The following ELMOD1 variants were observed in gnomAD, a reference collection of about 807,000 sequenced individuals.
ELMOD1 encodes ELMO domain-containing protein 1.
ELMOD1 carries 21 observed loss-of-function variants against 46.7 expected under a neutral mutation model. The ratio of observed to expected loss-of-function variants is 0.45; its 90% CI spans 0.32 to 0.65. The LOEUF is 0.65. Among genes scored for constraint, ELMOD1 ranks in the 30% least tolerant of loss-of-function variants. ELMOD1 has a pLI of 0.04. For missense variants in ELMOD1, 348 were observed against 407.8 expected (o/e 0.85, Z 1.26); for synonymous variants, 122 against 138.2 (o/e 0.88, Z 0.82).
intron 1 of ELMOD1, among the ~76,000 whole-genome samples, chr11:107,607,240 C>T (rs1865700803): frequency 1.3e-5 from 2 of 152,150 alleles, no homozygotes; most frequent in African/African-American, 2.4e-5. Flanking sequence ...ACTGTCAGAC[C>T]ATTCAAGAGA....
At chr11:107,614,417 C>G (rs533411344) in intron 1 of ELMOD1, among the ~76,000 whole-genome samples, 16 of 152,316 alleles carry the variant, frequency 1.1e-4, no homozygotes, top group African/African-American at 3.8e-4. Flanking sequence ...TGGCTCACTG[C>G]AACTTCCACC....
At chr11:107,646,680 A>C (rs1000596530) in intron 6 of ELMOD1, among the ~76,000 whole-genome samples, 3 of 152,122 alleles carry the variant, frequency 2.0e-5, no homozygotes, top group Admixed American at 6.6e-5. Flanking sequence ...GGTTGCAGTG[A>C]GCCGAAATCA....
chr11:107,632,579 CA>C (rs1866159055), intron 5 of ELMOD1, among the ~76,000 whole-genome samples: 1 of 152,170 alleles, frequency 6.6e-6, no homozygotes, highest in East Asian at 1.9e-4. Flanking sequence ...GCAGCCGCTT[CA>C]GTTCATTAGC....
In ELMOD1 at chr11:107,665,281, T is replaced by C. The variant is rs1866823899; in HGVS notation, c.*84T>C. The C allele has an allele frequency of 2.2e-6, 3 of 1,369,046 alleles. No individual in the cohort carries two copies. The highest frequency in any genetic ancestry group is 3.0e-6 in the Non-Finnish European group (3 of 986,278). The allele number at this position is 1,369,046 out of a possible 1,614,324, so 84.8% of individuals were successfully genotyped here. ...TCTGCTTAGGTCGCAGCTCACGCAT[T>C]GAATGCACACAGTGATTGTATGCAT... is the stretch of plus-strand genomic sequence containing the variant. On this transcript the variant is annotated 3_prime_UTR_variant, in exon 12 of 12. Transcript: ENST00000265840.
At chr11:107,615,692 C>T (rs1233328445) in intron 1 of ELMOD1, among the ~76,000 whole-genome samples, 1 of 152,072 alleles carries the variant, frequency 6.6e-6, no homozygotes, top group Non-Finnish European at 1.5e-5. Context: ...TAATACATTA[C>T]GTGTAATAGT....
rs181605989 is a variant in ELMOD1 at position 107,614,061 on chromosome 11, T to C, written c.-85-4044T>C. On this transcript the variant is annotated intron_variant, in intron 1 of 11. Transcript: ENST00000265840. ...TATCTTAATGAATAATTCCTCTGTC[T>C]ATCCAGTTGCTGGCCACAAACATGG... Among the ~76,000 whole-genome samples the C allele has an allele frequency of 6.3e-4, 96 of 152,364 alleles. 1 individual carries two copies. The East Asian group carries it at 0.012, about 19-fold the overall frequency.
intron 1 of ELMOD1, among the ~76,000 whole-genome samples, chr11:107,612,779 T>TA (rs1179086380): frequency 2.0e-5 from 3 of 152,236 alleles, no homozygotes; most frequent in African/African-American, 7.2e-5. Flanking sequence ...TACTTGACTT[T>TA]AAAAAGAAAC....
At chr11:107,630,930 G>T (rs953165162) in intron 4 of ELMOD1, among the ~76,000 whole-genome samples, 1 of 152,094 alleles carries the variant, frequency 6.6e-6, no homozygotes, top group African/African-American at 2.4e-5. Context: ...TAGGCAGTTT[G>T]TGAAGTACTT....
At chr11:107,601,319 TTTTA>T (rs1196945781) in intron 1 of ELMOD1, among the ~76,000 whole-genome samples, 4 of 147,964 alleles carry the variant, frequency 2.7e-5, no homozygotes, top group Non-Finnish European at 5.9e-5. Context: ...ACAGTGTAAA[TTTTA>T]TTTATAGCTT....
At chr11:107,622,533 A>G (rs902611957) in intron 2 of ELMOD1, among the ~76,000 whole-genome samples, 2 of 152,206 alleles carry the variant, frequency 1.3e-5, no homozygotes, top group African/African-American at 4.8e-5. Context: ...ATCTAGTCCA[A>G]TCCCTTCACC....
At chr11:107,657,414 C>A (rs2509195) in intron 11 of ELMOD1, among the ~76,000 whole-genome samples, 1 of 151,798 alleles carries the variant, frequency 6.6e-6, no homozygotes, top group Non-Finnish European at 1.5e-5. Flanking sequence ...GTAGTCCCAG[C>A]CACTCAAGAG....
At chr11:107,658,808 G>A (rs1049937992) in intron 11 of ELMOD1, among the ~76,000 whole-genome samples, 8 of 152,314 alleles carry the variant, frequency 5.3e-5, no homozygotes, top group Non-Finnish European at 8.8e-5. Context: ...GATGGCGCAC[G>A]CCTGTAAGCC....
intron 1 of ELMOD1, among the ~76,000 whole-genome samples, chr11:107,613,484 T>C (rs1353863952): frequency 6.6e-6 from 1 of 152,162 alleles, no homozygotes; most frequent in Admixed American, 6.5e-5. Context: ...TTTCTCTTAA[T>C]AGGAAGGCTC....
At chr11:107,623,393 C>T (rs1865986135) in intron 2 of ELMOD1, 1 of 152,252 alleles carries the variant, frequency 6.6e-6, no homozygotes, top group African/African-American at 2.4e-5. Context: ...TTGGCTTTCC[C>T]TCAGCTTTTC....
At chr11:107,599,705 G>A (rs1357801088) in intron 1 of ELMOD1, among the ~76,000 whole-genome samples, 1 of 138,626 alleles carries the variant, frequency 7.2e-6, no homozygotes, top group Non-Finnish European at 1.5e-5. Context: ...TTGTGGCACT[G>A]CACTCCAGCC....
Position 107,594,767 on chromosome 11 carries a change from A to C in ELMOD1, c.-86+3358A>C, listed in dbSNP as rs1413849490. On this transcript the variant is annotated intron_variant, in intron 1 of 11. Coordinates refer to ENST00000265840, the MANE Select transcript of ELMOD1 (RefSeq NM_018712.4). ...TTTTAGCAAATCTGTTGCTTCAAGT[A>C]GGAAAAGAAATTAAATTGAGATCAT... Among the ~76,000 whole-genome samples the C allele has an allele frequency of 3.9e-5, 6 of 152,372 alleles. No individual in the cohort carries two copies. The East Asian group carries it at 1.2e-3, about 29-fold the overall frequency.
intron 4 of ELMOD1, 102 bp from the exon 5 acceptor site, chr11:107,631,477 TC>T: frequency 2.3e-6 from 1 of 435,948 alleles, no homozygotes; most frequent in Non-Finnish European, 3.8e-6. Flanking sequence ...ACTTAAGTCT[TC>T]ATATAGAAGC....
intron 1 of ELMOD1, among the ~76,000 whole-genome samples, chr11:107,605,660 T>C (rs1865673126): frequency 6.6e-6 from 1 of 152,248 alleles, no homozygotes. Context: ...GTGGCTGGGA[T>C]GGACCTCCCT....
intron 5 of ELMOD1, among the ~76,000 whole-genome samples, chr11:107,632,300 G>T (rs897728784): frequency 6.6e-6 from 1 of 152,320 alleles, no homozygotes. Context: ...TTGCACTGAG[G>T]ACACTGGGTA....
Sources: gnomAD v4.1 joint callset for allele counts (sites outside exome capture counted in the v4.1 genomes callset) on GRCh38, gnomAD v4.1.1 for gene constraint, MANE v1.5 for transcripts, NCBI Gene and HGNC (gene_info 2026-07-23, HGNC 2026-07-21) for gene names.